COLGALT2: variants seen among roughly 807,000 people sequenced by gnomAD.
COLGALT2 encodes the protein collagen beta(1-O)galactosyltransferase 2.
COLGALT2 carries 49 observed loss-of-function variants against 73.4 expected under a neutral mutation model. The observed-to-expected ratio is 0.67, with a 90% CI of 0.53 to 0.85. The LOEUF (loss-of-function observed/expected upper bound fraction) is 0.85. COLGALT2 is among the 40% of genes least tolerant of loss of function. The pLI, the probability that COLGALT2 is intolerant of heterozygous loss-of-function variation, is 0.00. For missense variants in COLGALT2, 722 were observed against 790.2 expected (o/e 0.91, Z 1.03); for synonymous variants, 295 against 307.6 (o/e 0.96, Z 0.43).
At chr1:183,961,926 A>AC (rs1670712461) in intron 6 of COLGALT2, among the ~76,000 whole-genome samples, 1 of 152,126 alleles carries the variant, frequency 6.6e-6, no homozygotes, top group South Asian at 2.1e-4. Flanking sequence ...GTCACAGTGA[A>AC]CCAGCTCCTT....
chr1:184,018,963 C>A (rs1044292055), intron 1 of COLGALT2, among the ~76,000 whole-genome samples: 17 of 152,250 alleles, frequency 1.1e-4, no homozygotes, highest in African/African-American at 4.1e-4. Flanking sequence ...GATTATAATT[C>A]GTGTTTTATT....
At position 183,969,463 on chromosome 1, in the gene COLGALT2, T is replaced by C. The variant is rs753778750; in HGVS notation, c.638A>G (p.Lys213Arg). ...WCGITPKGFY[K>R]RTPDYVQIRE... ...AATCTGAACGTAGTCTGGGGTCCTC[T>C]TATAGAAGCCCTGTAAAAGAGCAAA... Residue 213 changes from lysine (K) to arginine (R), a missense_variant, in exon 5 of 12, where the codon AAG (lysine) becomes AGG (arginine). Lys to Arg is a conservative substitution (Grantham distance 26, BLOSUM62 2). Transcript: ENST00000361927. The C allele has an allele frequency of 3.7e-6, 6 of 1,609,528 alleles. No homozygotes were observed. Among genetic ancestry groups the C allele is most frequent in the Non-Finnish European group, 5.1e-6 (6 of 1,178,004 alleles).
At chr1:183,972,114 C>G (rs1671052551) in intron 4 of COLGALT2, among the ~76,000 whole-genome samples, 1 of 152,190 alleles carries the variant, frequency 6.6e-6, no homozygotes, top group African/African-American at 2.4e-5. Context: ...ATTGAACATA[C>G]TCCCTCTTTT....
rs975769297 is a variant in COLGALT2 at position 183,937,175 on chromosome 1, A to G, written c.*1586T>C. 14 of 1,226,390 alleles carry G rather than the reference A, an allele frequency of 1.1e-5. No individual in the cohort carries two copies. The highest frequency in any genetic ancestry group is 1.4e-5 in the Non-Finnish European group (14 of 985,148). 76.0% of individuals were successfully genotyped at this position (1,226,390 alleles called of 1,614,324 possible). Reference sequence around the variant, plus strand: ...GACTCTGCTCTGAAGGGCCCTCCCCATGAGTTTAAGTGTGAAGCTCAGGGT... The same window carrying G: ...GACTCTGCTCTGAAGGGCCCTCCCCGTGAGTTTAAGTGTGAAGCTCAGGGT... On this transcript the variant is annotated 3_prime_UTR_variant, in exon 12 of 12. Transcript: ENST00000361927.
intron 4 of COLGALT2, 49 bp downstream of exon 4, chr1:183,973,567 T>A: frequency 6.2e-7 from 1 of 1,610,412 alleles, no homozygotes. Context: ...TGACCGGGTG[T>A]TGCCTTGTTA....
At position 183,944,991 on chromosome 1, in the gene COLGALT2, C is replaced by CAGGG. The variant is rs540085109; in HGVS notation, c.1269+437_1269+440dup. Among the ~76,000 whole-genome samples, 5 of 152,302 alleles carry CAGGG rather than the reference C, an allele frequency of 3.3e-5. No individual in the cohort carries two copies. The East Asian group carries it at 9.6e-4, about 29-fold the overall frequency. Reference sequence around the variant, plus strand: ...TCCAGATATGTCTTGATCTGTAAGACAGGGGTTCCACTTCTGGCTCTGCCA... The same window carrying CAGGG: ...TCCAGATATGTCTTGATCTGTAAGACAGGGAGGGGTTCCACTTCTGGCTCTGCCA... On this transcript the variant is annotated intron_variant, in intron 9 of 11. Transcript: ENST00000361927.
chr1:183,939,668 G>A (rs913512575), intron 11 of COLGALT2, among the ~76,000 whole-genome samples: 1 of 152,186 alleles, frequency 6.6e-6, no homozygotes, highest in Non-Finnish European at 1.5e-5. Context: ...TTATATACAA[G>A]AGGGCACACA....
intron 1 of COLGALT2, among the ~76,000 whole-genome samples, chr1:184,024,360 CTT>C (rs58405733): frequency 2.1e-5 from 3 of 143,966 alleles, no homozygotes; most frequent in Admixed American, 6.9e-5. Flanking sequence ...TTTTCTTTTT[CTT>C]TTTTTTTTTT....
At chr1:184,019,324 C>T (rs374408953) in intron 1 of COLGALT2, among the ~76,000 whole-genome samples, 4 of 152,262 alleles carry the variant, frequency 2.6e-5, no homozygotes, top group South Asian at 4.1e-4. Context: ...GAAATAATTA[C>T]GCATTGAGAC....
intron 1 of COLGALT2, among the ~76,000 whole-genome samples, chr1:183,984,914 C>T (rs1231579029): frequency 6.6e-6 from 1 of 152,142 alleles, no homozygotes. Flanking sequence ...TCAACAGGTG[C>T]ACTGTCACCG....
Position 183,944,222 on chromosome 1 carries a change from G to T in COLGALT2, c.1371C>A (p.Asp457Glu), listed in dbSNP as rs1417771367. 9 of 1,613,542 alleles carry T rather than the reference G, an allele frequency of 5.6e-6. No individual in the cohort carries two copies. Among genetic ancestry groups the T allele is most frequent in the Non-Finnish European group, 7.6e-6 (9 of 1,179,868 alleles). The change falls in exon 10 of 12, where the codon GAC (aspartate) becomes GAA (glutamate). Residue 457 changes from aspartate (D) to glutamate (E), a missense_variant. Transcript: ENST00000361927. ...TCAGTTCCCAGTCCAGCTGAGCCTG[G>T]TCAATGTTATCCATCAGCTTCATCA... ...KKLMKLMDNI[D>E]QAQLDWELIY...
intron 1 of COLGALT2, among the ~76,000 whole-genome samples, chr1:183,984,869 A>G (rs3930248): frequency 0.19 from 28,693 of 152,128 alleles, 2,982 homozygotes; most frequent in East Asian, 0.41. Context: ...ATCACAGCAC[A>G]TGTAGGGATC....
intron 1 of COLGALT2, among the ~76,000 whole-genome samples, chr1:183,989,958 CAATT>C (rs1671588293): frequency 6.6e-6 from 1 of 152,174 alleles, no homozygotes; most frequent in South Asian, 2.1e-4. Flanking sequence ...CACAGATCCT[CAATT>C]AAGAAATAAG....
chr1:183,960,340 T>A (rs1181963370), intron 6 of COLGALT2, among the ~76,000 whole-genome samples: 1 of 152,230 alleles, frequency 6.6e-6, no homozygotes, highest in African/African-American at 2.4e-5. Context: ...CATACCACTC[T>A]TCTTGTTTAA....
chr1:183,941,847 G>A (rs1670122116), intron 10 of COLGALT2, among the ~76,000 whole-genome samples: 2 of 152,154 alleles, frequency 1.3e-5, no homozygotes, highest in South Asian at 4.1e-4. Context: ...GAGGTGCTGA[G>A]TTAATGCTCT....
chr1:183,977,794 GAA>G (rs1671239728), intron 2 of COLGALT2, among the ~76,000 whole-genome samples: 1 of 87,636 alleles, frequency 1.1e-5, no homozygotes, highest in East Asian at 2.8e-4. Context: ...TGTCTTGAAA[GAA>G]AGAAGGAAAG....
chr1:184,025,858 T>C (rs1182642265), intron 1 of COLGALT2, among the ~76,000 whole-genome samples: 2 of 152,236 alleles, frequency 1.3e-5, no homozygotes, highest in African/African-American at 4.8e-5. Context: ...ATTATGCAGT[T>C]ATGTGAACAT....
chr1:183,960,353 T>G (rs1255796631), intron 6 of COLGALT2, among the ~76,000 whole-genome samples: 5 of 152,218 alleles, frequency 3.3e-5, no homozygotes, highest in Non-Finnish European at 7.3e-5. Context: ...TTGTTTAAAT[T>G]TTACACTTGT....
chr1:183,962,609 C>A (rs1670743907), intron 6 of COLGALT2, among the ~76,000 whole-genome samples: 2 of 152,162 alleles, frequency 1.3e-5, no homozygotes, highest in African/African-American at 4.8e-5. Flanking sequence ...TTGGCTATGT[C>A]CTTTCAAGCC....
Sources: allele counts gnomAD v4.1 joint callset (sites outside exome capture counted in the v4.1 genomes callset), GRCh38; gene constraint gnomAD v4.1.1; transcripts MANE v1.5; gene names NCBI Gene and HGNC (gene_info 2026-07-23, HGNC 2026-07-21).